Variants in MRPL13 observed in about 807,000 individuals in gnomAD.
MRPL13 encodes the protein large ribosomal subunit protein uL13m.
A neutral mutation model predicts 29.0 loss-of-function variants in MRPL13; 33 were observed. The observed-to-expected ratio is 1.14, with a 90% CI of 0.86 to 1.52. The LOEUF (loss-of-function observed/expected upper bound fraction) is 1.52, where lower values mean the gene tolerates loss of function less well. Among genes scored for constraint, MRPL13 ranks in the 40% most tolerant of loss-of-function variants. The pLI, the probability that MRPL13 is intolerant of heterozygous loss-of-function variation, is 0.00. For synonymous variants in MRPL13, 77 were observed against 68.4 expected, an observed-to-expected ratio of 1.13 and a Z score of -0.62; for missense variants, 227 against 216.7, an observed-to-expected ratio of 1.05 and a Z score of -0.30.
chr8:120,422,706 A>C (rs1812888452), intron 4 of MRPL13, among the ~76,000 whole-genome samples: 2 of 150,348 alleles, frequency 1.3e-5, no homozygotes, highest in Admixed American at 1.3e-4. Context: ...AATATTTTTT[A>C]AAGTATGAAA....
At chr8:120,441,844 G>T (rs1281826848) in intron 2 of MRPL13, among the ~76,000 whole-genome samples, 2 of 152,122 alleles carry the variant, frequency 1.3e-5, no homozygotes, top group Admixed American at 6.5e-5. Flanking sequence ...GCATGCTGAA[G>T]TACTTTGGGG....
At chr8:120,428,129 A>T (rs1812953340) in intron 3 of MRPL13, among the ~76,000 whole-genome samples, 3 of 31,312 alleles carry the variant, frequency 9.6e-5, no homozygotes, top group South Asian at 2.4e-3. Context: ...GTACTGATAA[A>T]AAAAAAAAAA....
At chr8:120,407,413 G>A (rs1211351692) in intron 6 of MRPL13, among the ~76,000 whole-genome samples, 1 of 151,976 alleles carries the variant, frequency 6.6e-6, no homozygotes, top group East Asian at 1.9e-4. Context: ...TTGGGAGGCC[G>A]AGGTGGGCAG....
At chr8:120,431,179 G>T (rs1812991844) in intron 3 of MRPL13, among the ~76,000 whole-genome samples, 1 of 152,044 alleles carries the variant, frequency 6.6e-6, no homozygotes, top group Non-Finnish European at 1.5e-5. Flanking sequence ...GTAACAAATG[G>T]GAACATCAAA....
At chr8:120,407,112 C>T (rs1169959366) in intron 6 of MRPL13, among the ~76,000 whole-genome samples, 2 of 152,078 alleles carry the variant, frequency 1.3e-5, no homozygotes, top group Non-Finnish European at 2.9e-5. Context: ...ATGAAACAAG[C>T]AAAATACTGC....
intron 6 of MRPL13, among the ~76,000 whole-genome samples, chr8:120,406,705 CG>C (rs1439066392): frequency 6.6e-6 from 1 of 151,416 alleles, no homozygotes; most frequent in Non-Finnish European, 1.5e-5. Flanking sequence ...AAGTGAAAGA[CG>C]AAAGTTTTAA....
chr8:120,432,986 A>G (rs1813013894), intron 2 of MRPL13, among the ~76,000 whole-genome samples: 1 of 152,106 alleles, frequency 6.6e-6, no homozygotes. Flanking sequence ...TATGAAAACT[A>G]AAGATTATAA....
chr8:120,400,741 T>TAA lies in MRPL13; in HGVS notation c.516-4618_516-4617dup, dbSNP rs200517890. Among the ~76,000 whole-genome samples, 16 of 83,178 alleles carry TAA rather than the reference T, an allele frequency of 1.9e-4. 1 individual carries two copies. The highest frequency in any genetic ancestry group is 6.3e-4 in the African/African-American group (16 of 25,298). The allele number at this position is 83,178 out of a possible 152,430, so 54.6% of individuals were successfully genotyped here. On this transcript the variant is annotated intron_variant, in intron 6 of 6. Transcript: ENST00000306185. ...ATAAATAAATAAATAAATAAATAAA[T>TAA]AAAAAAAATAGACTGCTAGTTAGAC...
chr8:120,423,937 T>G (rs748741681), intron 4 of MRPL13, among the ~76,000 whole-genome samples: 19 of 152,090 alleles, frequency 1.2e-4, no homozygotes, highest in Non-Finnish European at 2.5e-4. Flanking sequence ...AAAAATCTTC[T>G]AAGGGCTTTC....
chr8:120,436,912 T>C (rs376373668), intron 2 of MRPL13, among the ~76,000 whole-genome samples: 5 of 152,204 alleles, frequency 3.3e-5, no homozygotes, highest in Non-Finnish European at 7.3e-5. Flanking sequence ...AGTGTTATTT[T>C]TGGCATCCCT....
chr8:120,403,786 T>A (rs1156677567), intron 6 of MRPL13, among the ~76,000 whole-genome samples: 1 of 152,212 alleles, frequency 6.6e-6, no homozygotes, highest in Non-Finnish European at 1.5e-5. Context: ...TTTCTGAAAC[T>A]GAATACTCAC....
chr8:120,438,566 T>C (rs1295965394), intron 2 of MRPL13, among the ~76,000 whole-genome samples: 1 of 152,222 alleles, frequency 6.6e-6, no homozygotes, highest in African/African-American at 2.4e-5. Flanking sequence ...TGACTGCTAC[T>C]AATTGCACTT....
rs1332690964 is a variant in MRPL13, at chr8:120,402,482, C to G, written c.516-6357G>C. ...ACTGAAACTGGACCCCTTCCTTACA[C>G]CTAATACAAAATTTAACTCAAGGTG... On this transcript the variant is annotated intron_variant, in intron 6 of 6. Transcript: ENST00000306185. Among the ~76,000 whole-genome samples the G allele has an allele frequency of 2.0e-5, 3 of 152,138 alleles. No individual in the cohort carries two copies. The East Asian group carries it at 5.8e-4, about 29-fold the overall frequency.
intron 4 of MRPL13, among the ~76,000 whole-genome samples, chr8:120,422,631 T>C (rs1219826776): frequency 1.3e-5 from 2 of 149,208 alleles, no homozygotes; most frequent in Admixed American, 6.7e-5. Flanking sequence ...TATATTTATG[T>C]AGTTAAAATT....
chr8:120,431,155 G>T (rs1441941106), intron 3 of MRPL13, among the ~76,000 whole-genome samples: 1 of 152,154 alleles, frequency 6.6e-6, no homozygotes, highest in African/African-American at 2.4e-5. Flanking sequence ...TGCACTTGGG[G>T]AAAGAGATGA....
intron 3 of MRPL13, among the ~76,000 whole-genome samples, chr8:120,430,386 C>G (rs1480203660): frequency 6.6e-6 from 1 of 152,092 alleles, no homozygotes; most frequent in Admixed American, 6.6e-5. Context: ...CCTCTTTAAA[C>G]TTCTCTATAT....
chr8:120,421,154 C>T (rs376267847), intron 4 of MRPL13, among the ~76,000 whole-genome samples: 7 of 151,334 alleles, frequency 4.6e-5, no homozygotes, highest in East Asian at 3.9e-4. Context: ...TCCCAGGGTA[C>T]GTGCCATTTG....
intron 6 of MRPL13, among the ~76,000 whole-genome samples, chr8:120,398,192 G>T (rs1405954609): frequency 6.6e-6 from 1 of 152,196 alleles, no homozygotes. Flanking sequence ...CTGACTGGGT[G>T]AGACCTCCCA....
intron 4 of MRPL13, among the ~76,000 whole-genome samples, chr8:120,423,346 A>C (rs922160451): frequency 4.6e-5 from 7 of 152,058 alleles, no homozygotes; most frequent in Non-Finnish European, 1.0e-4. Context: ...GAAACAGAGA[A>C]TAAAGAGACC....
Sources: gnomAD v4.1 joint callset for allele counts (sites outside exome capture counted in the v4.1 genomes callset) on GRCh38, gnomAD v4.1.1 for gene constraint, MANE v1.5 for transcripts, NCBI Gene and HGNC (gene_info 2026-07-23, HGNC 2026-07-21) for gene names.